The following MINDY2 variants were observed in gnomAD, a reference collection of about 807,000 sequenced individuals.
The protein encoded by MINDY2 is ubiquitin carboxyl-terminal hydrolase MINDY-2.
In MINDY2, 52 loss-of-function variants were observed where a neutral mutation model predicts 68.2. That is an observed-to-expected ratio of 0.76 (90% CI 0.61 to 0.96). MINDY2 has a LOEUF of 0.96. MINDY2 is among the 40% of genes least tolerant of loss of function. MINDY2 has a pLI of 0.00. For missense variants in MINDY2, 881 were observed against 773.4 expected (o/e 1.14, Z -1.65); for synonymous variants, 372 against 303.0 (o/e 1.23, Z -2.36).
At position 58,800,761 on chromosome 15, in the gene MINDY2, G is replaced by A. The variant is rs73426598; in HGVS notation, c.899-1552G>A. Reference sequence around the variant, plus strand: ...AGGTGGGAGGATCACCTGAGTCTAGGGAGGTTGAGGTTGCAGCAAGTCGTG... The same window carrying A: ...AGGTGGGAGGATCACCTGAGTCTAGAGAGGTTGAGGTTGCAGCAAGTCGTG... On this transcript the variant is annotated intron_variant, in intron 2 of 8. Transcript: ENST00000559228. Among the ~76,000 whole-genome samples the A allele has an allele frequency of 8.4e-3, 1,251 of 149,296 alleles. 18 individuals are homozygous for A. The highest frequency in any genetic ancestry group is 0.029 in the African/African-American group (1,175 of 40,322).
At chr15:58,788,028 C>A in intron 2 of MINDY2, 65 bp downstream of exon 2, 6 of 1,056,298 alleles carry the variant, frequency 5.7e-6, no homozygotes, top group Non-Finnish European at 8.4e-6. Flanking sequence ...TAGTTGATTA[C>A]CCAGTCTCAC....
intron 1 of MINDY2, among the ~76,000 whole-genome samples, chr15:58,774,818 A>G (rs771123951): frequency 2.6e-5 from 4 of 152,248 alleles, no homozygotes; most frequent in Non-Finnish European, 4.4e-5. Context: ...TGAAGTGTGC[A>G]GCATAGGAGG....
chr15:58,842,810 C>G (rs1177493889), intron 6 of MINDY2, among the ~76,000 whole-genome samples: 1 of 152,122 alleles, frequency 6.6e-6, no homozygotes, highest in East Asian at 1.9e-4. Flanking sequence ...TATTATTATT[C>G]TCACTTAATG....
chr15:58,824,417 T>C (rs570980438), intron 5 of MINDY2, among the ~76,000 whole-genome samples: 80 of 152,290 alleles, frequency 5.3e-4, no homozygotes, highest in Non-Finnish European at 1.0e-3. Context: ...TTCCTTGATA[T>C]ATAAATTTCA....
At chr15:58,851,614 CT>C (rs1426988582) in intron 7 of MINDY2, among the ~76,000 whole-genome samples, 156 bp from the exon 8 acceptor site, 1 of 151,852 alleles carries the variant, frequency 6.6e-6, no homozygotes, top group Admixed American at 6.6e-5. Context: ...GGTTTTTAAA[CT>C]TTTTTTGTAG....
At chr15:58,829,265 G>A (rs551781641) in intron 5 of MINDY2, among the ~76,000 whole-genome samples, 7 of 152,298 alleles carry the variant, frequency 4.6e-5, no homozygotes, top group African/African-American at 1.2e-4. Context: ...GGAGAATTAC[G>A]AAACATTGTT....
rs73428529 is a variant in MINDY2 at position 58,819,880 on chromosome 15, T to A, written c.1123-1837T>A. 9.0e-3 allele frequency among the ~76,000 whole-genome samples: 1,374 copies of A among 152,314 alleles called. 20 individuals carry two copies. Among genetic ancestry groups the A allele is most frequent in the African/African-American group, 0.031 (1,298 of 41,562 alleles). On this transcript the variant is annotated intron_variant, in intron 4 of 8. Transcript: ENST00000559228. ...TTTGTGCAATGTACATAGAATCTTA[T>A]CCCAAGGATCCTCTCGCAAAGAAAA... is the stretch of plus-strand genomic sequence containing the variant.
intron 4 of MINDY2, among the ~76,000 whole-genome samples, chr15:58,812,894 A>C (rs1198049515): frequency 6.6e-6 from 1 of 152,138 alleles, no homozygotes; most frequent in African/African-American, 2.4e-5. Context: ...AATAAAATCA[A>C]GATATGGCAC....
At chr15:58,834,785 A>G (rs1328483913) in intron 6 of MINDY2, among the ~76,000 whole-genome samples, 1 of 152,220 alleles carries the variant, frequency 6.6e-6, no homozygotes, top group Non-Finnish European at 1.5e-5. Context: ...AATGAATTAC[A>G]CAAAGTAGTA....
At position 58,771,621 on chromosome 15, in the gene MINDY2, C is replaced by G; in HGVS notation, c.226C>G (p.Pro76Ala). The G allele has an allele frequency of 2.5e-6, 4 of 1,612,224 alleles. No homozygotes were observed. Among genetic ancestry groups the G allele is most frequent in the Non-Finnish European group, 3.4e-6 (4 of 1,179,844 alleles). ...SASPAGSPEV[P>A]GPCSSSAGLD... ...TTCTCCCGCGGGCTCTCCTGAGGTT[C>G]CCGGACCCTGCAGCTCCTCCGCGGG... The change falls in exon 1 of 9, where the codon CCC becomes GCC. Residue 76 changes from proline to alanine, a missense_variant. By Grantham distance (27) the Pro-to-Ala change is conservative (BLOSUM62 -1). Transcript: ENST00000559228.
intron 2 of MINDY2, among the ~76,000 whole-genome samples, chr15:58,791,979 G>T (rs1208391396): frequency 6.6e-6 from 1 of 152,034 alleles, no homozygotes; most frequent in Non-Finnish European, 1.5e-5. Flanking sequence ...TCCTAGAATC[G>T]TAATGAAGAA....
intron 5 of MINDY2, among the ~76,000 whole-genome samples, chr15:58,827,771 C>T (rs2031490481): frequency 6.6e-6 from 1 of 151,946 alleles, no homozygotes; most frequent in Admixed American, 6.6e-5. Context: ...TATTATAATC[C>T]ATTATCATTA....
chr15:58,848,077 A>AT (rs10719398), intron 7 of MINDY2, among the ~76,000 whole-genome samples: 36 of 143,910 alleles, frequency 2.5e-4, no homozygotes, highest in Non-Finnish European at 3.8e-4. Flanking sequence ...GACAGATGAG[A>AT]TTTTTTTTTT....
At chr15:58,791,362 T>TG (rs1327457718) in intron 2 of MINDY2, among the ~76,000 whole-genome samples, 2 of 151,066 alleles carry the variant, frequency 1.3e-5, no homozygotes, top group Non-Finnish European at 3.0e-5. Flanking sequence ...ACTAGCCACA[T>TG]GCGGTCCTCA....
At chr15:58,839,557 G>C (rs2032177052) in intron 6 of MINDY2, among the ~76,000 whole-genome samples, 2 of 151,972 alleles carry the variant, frequency 1.3e-5, no homozygotes, top group African/African-American at 4.8e-5. Flanking sequence ...GTCTCAAACT[G>C]TTGACCTCAG....
At position 58,851,699 on chromosome 15, in the gene MINDY2, C is replaced by G. The variant is rs1024472673; in HGVS notation, c.1543-72C>G. The G allele has an allele frequency of 3.5e-6, 4 of 1,135,616 alleles. No homozygotes were observed. In the African/African-American group the frequency reaches 6.4e-5, roughly 18 times the overall value. The allele number at this position is 1,135,616 out of a possible 1,614,324, so 70.3% of individuals were successfully genotyped here. A position where few individuals can be genotyped will look rare whatever the true frequency, so the allele number is the denominator to read the frequency against. On this transcript the variant is annotated intron_variant, in intron 7 of 8. Coordinates refer to ENST00000559228, the MANE Select transcript of MINDY2 (RefSeq NM_001040450.3). ...CATTCTTACAGCTTTATAGATATAACGTTTGTATTTGCAGTCATTCATTCT... is the reference window on the plus strand; with the variant it reads ...CATTCTTACAGCTTTATAGATATAAGGTTTGTATTTGCAGTCATTCATTCT...
At chr15:58,843,832 C>A (rs868659599) in intron 6 of MINDY2, among the ~76,000 whole-genome samples, 643 of 84,700 alleles carry the variant, frequency 7.6e-3, no homozygotes, top group African/African-American at 0.019. Flanking sequence ...GACTCTGTCT[C>A]AAAAAAAAAA....
chr15:58,849,743 A>G (rs1414006549), intron 7 of MINDY2, among the ~76,000 whole-genome samples: 1 of 152,112 alleles, frequency 6.6e-6, no homozygotes, highest in Non-Finnish European at 1.5e-5. Context: ...TCCAGGCAAC[A>G]ACCTTTTTTA....
At chr15:58,798,400 C>T (rs1902424306) in intron 2 of MINDY2, among the ~76,000 whole-genome samples, 1 of 151,618 alleles carries the variant, frequency 6.6e-6, no homozygotes, top group South Asian at 2.1e-4. Flanking sequence ...GCTGGGACTA[C>T]AGGCGTGAGC....
Sources: allele counts gnomAD v4.1 joint callset (sites outside exome capture counted in the v4.1 genomes callset), GRCh38; gene constraint gnomAD v4.1.1; transcripts MANE v1.5; gene names NCBI Gene and HGNC (gene_info 2026-07-23, HGNC 2026-07-21).